The following HS6ST3 variants were observed in gnomAD, a reference collection of about 807,000 sequenced individuals.
HS6ST3 encodes heparan sulfate 6-O-sulfotransferase 3, also known as heparan-sulfate 6-O-sulfotransferase 3.
Under a neutral mutation model 36.7 loss-of-function variants are expected in HS6ST3, and 12 were observed. The ratio of observed to expected loss-of-function variants is 0.33; its 90% CI spans 0.21 to 0.53. The LOEUF is 0.53. Among genes scored for constraint, HS6ST3 ranks in the 20% least tolerant of loss-of-function variants. HS6ST3 has a pLI of 0.95. For synonymous variants in HS6ST3, 240 were observed against 257.5 expected (o/e 0.93, Z 0.65); for missense variants, 584 against 640.9 (o/e 0.91, Z 0.96).
Position 96,674,640 on chromosome 13 carries a change from G to A in HS6ST3, c.708-157850G>A, listed in dbSNP as rs369971003. Among the ~76,000 whole-genome samples the A allele has an allele frequency of 4.0e-4, 61 of 152,072 alleles. 2 individuals are homozygous for A. Among genetic ancestry groups the A allele is most frequent in the African/African-American group, 1.4e-3 (59 of 41,490 alleles). ...ACATGGACTCGTTGTTGTTGAGTTC[G>A]CCTCACTGATTCATTCTCAGCAGAA... On this transcript the variant is annotated intron_variant, in intron 1 of 1. Transcript: ENST00000376705.
rs528057203 is a variant in HS6ST3, at chr13:96,476,998, C to A, written c.708-355492C>A. ...GGACATGAGTTACTGAGAAAGGTTACTCTTCAGCTTCCTATGTGTAATGTT... is the reference window on the plus strand; with the variant it reads ...GGACATGAGTTACTGAGAAAGGTTAATCTTCAGCTTCCTATGTGTAATGTT... On this transcript the variant is annotated intron_variant, in intron 1 of 1. Transcript: ENST00000376705. Among the ~76,000 whole-genome samples, 7 of 152,300 alleles carry A rather than the reference C, an allele frequency of 4.6e-5. No homozygotes were observed. The South Asian group carries it at 1.4e-3, about 32-fold the overall frequency.
At chr13:96,278,536 T>A (rs578098731) in intron 1 of HS6ST3, among the ~76,000 whole-genome samples, 2 of 152,210 alleles carry the variant, frequency 1.3e-5, no homozygotes, top group East Asian at 3.9e-4. Flanking sequence ...GTTTAAAAAA[T>A]TGAAGAGAAA....
chr13:96,658,526 G>GC (rs1433539295), intron 1 of HS6ST3, among the ~76,000 whole-genome samples: 5 of 150,722 alleles, frequency 3.3e-5, no homozygotes, highest in Non-Finnish European at 7.4e-5. Flanking sequence ...CAAATGATCT[G>GC]CCTGCCTTGG....
rs529543568 is a variant in HS6ST3 at position 96,525,010 on chromosome 13, A to C, written c.708-307480A>C. 3.9e-5 allele frequency among the ~76,000 whole-genome samples: 6 copies of C among 151,970 alleles called. No individual in the cohort carries two copies. In the South Asian group the frequency reaches 1.0e-3, roughly 26 times the overall value. ...TTGGAAGTGACTCCCTATTTGTATA[A>C]ATTTAAAGGATACAAGTGAAGTTTT... On this transcript the variant is annotated intron_variant, in intron 1 of 1. Coordinates refer to ENST00000376705, the MANE Select transcript of HS6ST3 (RefSeq NM_153456.4).
intron 1 of HS6ST3, among the ~76,000 whole-genome samples, chr13:96,261,704 G>C (rs2054667348): frequency 6.6e-6 from 1 of 152,162 alleles, no homozygotes; most frequent in African/African-American, 2.4e-5. Context: ...GAACTTTAGA[G>C]TCTTTAAAAT....
chr13:96,633,390 T>G (rs1376410005), intron 1 of HS6ST3, among the ~76,000 whole-genome samples: 6 of 152,284 alleles, frequency 3.9e-5, no homozygotes, highest in African/African-American at 1.4e-4. Flanking sequence ...TCTTGAGCAC[T>G]GATTAAGTGA....
intron 1 of HS6ST3, chr13:96,573,802 A>T: frequency 2.6e-6 from 1 of 378,338 alleles, no homozygotes. Context: ...AGCAGCAGAT[A>T]GGAGAGTGTG....
chr13:96,250,531 G>C (rs2054603125), intron 1 of HS6ST3, among the ~76,000 whole-genome samples: 1 of 152,198 alleles, frequency 6.6e-6, no homozygotes, highest in Admixed American at 6.5e-5. Flanking sequence ...GCAGTCAACA[G>C]AAGCTGGAAA....
chr13:96,833,093 G>A lies in HS6ST3; in HGVS notation c.1311G>A (p.Glu437=), dbSNP rs150223784. 1.9e-6 allele frequency: 3 copies of A among 1,609,042 alleles called. No individual in the cohort carries two copies. Among genetic ancestry groups the A allele is most frequent in the South Asian group, 1.1e-5 (1 of 91,084 alleles). ...HQRDRQKRRE[E]RRLQREHRDH... is the part of the protein sequence containing the mutation. Reference sequence around the variant, plus strand: ...GGGACCGCCAGAAGCGGCGGGAGGAGCGGAGGCTGCAGCGAGAGCACAGGG... The same window carrying A: ...GGGACCGCCAGAAGCGGCGGGAGGAACGGAGGCTGCAGCGAGAGCACAGGG... Residue 437 remains glutamate, a synonymous_variant, in exon 2 of 2, where the codon GAG becomes GAA. Transcript: ENST00000376705.
At chr13:96,252,898 A>G (rs933352856) in intron 1 of HS6ST3, among the ~76,000 whole-genome samples, 1 of 152,070 alleles carries the variant, frequency 6.6e-6, no homozygotes, top group African/African-American at 2.4e-5. Context: ...AGTCAAGCAG[A>G]TGCTGGCACT....
chr13:96,626,387 C>T (rs1385007119), intron 1 of HS6ST3, among the ~76,000 whole-genome samples: 2 of 152,126 alleles, frequency 1.3e-5, no homozygotes, highest in South Asian at 4.1e-4. Context: ...TACCCTTTCT[C>T]CACAGTTTTG....
intron 1 of HS6ST3, among the ~76,000 whole-genome samples, chr13:96,537,664 G>A (rs1009934812): frequency 2.6e-5 from 4 of 152,094 alleles, no homozygotes; most frequent in Non-Finnish European, 5.9e-5. Context: ...TAGAAGTAGG[G>A]TGTTATTCTC....
At chr13:96,657,757 T>A (rs1005884736) in intron 1 of HS6ST3, among the ~76,000 whole-genome samples, 2 of 152,000 alleles carry the variant, frequency 1.3e-5, no homozygotes, top group African/African-American at 4.8e-5. Flanking sequence ...GAGAAATAGA[T>A]GAAGGGAGAG....
chr13:96,827,387 T>C, intron 1 of HS6ST3, among the ~76,000 whole-genome samples: 1 of 152,206 alleles, frequency 6.6e-6, no homozygotes, highest in East Asian at 1.9e-4. Flanking sequence ...TGTCTATGCA[T>C]ATGAGATGGA....
intron 1 of HS6ST3, among the ~76,000 whole-genome samples, chr13:96,494,506 AC>A (rs2055964308): frequency 6.6e-6 from 1 of 151,512 alleles, no homozygotes; most frequent in Non-Finnish European, 1.5e-5. Flanking sequence ...ACTAACCTGC[AC>A]GTTGTGCACA....
intron 1 of HS6ST3, among the ~76,000 whole-genome samples, chr13:96,386,470 T>TC (rs1335839365): frequency 6.6e-6 from 1 of 152,106 alleles, no homozygotes; most frequent in Non-Finnish European, 1.5e-5. Context: ...TTTGTTCTTT[T>TC]CCCCCCAGCT....
chr13:96,422,379 G>C lies in HS6ST3; in HGVS notation c.707+330810G>C, dbSNP rs145211405. Among the ~76,000 whole-genome samples the C allele has an allele frequency of 1.9e-3, 290 of 152,312 alleles. 1 individual carries two copies. Among genetic ancestry groups the C allele is most frequent in the Non-Finnish European group, 3.2e-3 (216 of 68,024 alleles). On this transcript the variant is annotated intron_variant, in intron 1 of 1. Transcript: ENST00000376705. ...ATGTGAGTTTTATAGCAGCTTCAGA[G>C]TTCTCCAAGAGGTGTTCTAGAAAAT... is the stretch of plus-strand genomic sequence containing the variant.
chr13:96,733,581 A>G (rs1240891731), intron 1 of HS6ST3, among the ~76,000 whole-genome samples: 1 of 152,188 alleles, frequency 6.6e-6, no homozygotes, highest in Non-Finnish European at 1.5e-5. Flanking sequence ...TAAACATGAT[A>G]TATATTCTAT....
At position 96,665,489 on chromosome 13, in the gene HS6ST3, G is replaced by A. The variant is rs552757071; in HGVS notation, c.708-167001G>A. ...AATGCTAAGAGAACATAAAATAGAA[G>A]CATTAGGGACAGCTCACTGAAAAAA... is the stretch of plus-strand genomic sequence containing the variant. On this transcript the variant is annotated intron_variant, in intron 1 of 1. Transcript: ENST00000376705. Among the ~76,000 whole-genome samples the A allele has an allele frequency of 2.0e-5, 3 of 152,182 alleles. No individual in the cohort carries two copies. In the East Asian group the frequency reaches 5.8e-4, roughly 29 times the overall value.
Sources: gnomAD v4.1 joint callset for allele counts (sites outside exome capture counted in the v4.1 genomes callset) on GRCh38, gnomAD v4.1.1 for gene constraint, MANE v1.5 for transcripts, NCBI Gene and HGNC (gene_info 2026-07-23, HGNC 2026-07-21) for gene names.